Variants in MMRN2 observed in about 807,000 individuals in gnomAD.
MMRN2 encodes the protein multimerin 2.
In MMRN2, 53 loss-of-function variants were observed where a neutral mutation model predicts 68.8. That is an observed-to-expected ratio of 0.77 (90% CI 0.62 to 0.97). The LOEUF (loss-of-function observed/expected upper bound fraction) is 0.97. Ranked by LOEUF, MMRN2 falls within the 50% of genes least tolerant of loss-of-function variation. MMRN2 has a pLI of 0.00. For synonymous variants in MMRN2, 564 were observed against 551.6 expected, an observed-to-expected ratio of 1.02 and a Z score of -0.32; for missense variants, 1,266 against 1,259.5, an observed-to-expected ratio of 1.01 and a Z score of -0.08.
At position 86,936,868 on chromosome 10, in the gene MMRN2, T is replaced by TTGC. The variant is rs534261775; in HGVS notation, c.2722_2724dup (p.Ala908dup). 320 of 1,614,234 alleles carry TTGC rather than the reference T, an allele frequency of 2.0e-4. 2 individuals carry two copies. The South Asian group carries it at 3.4e-3, about 17-fold the overall frequency. The stretch of plus-strand genomic sequence containing the variant: ...TGCAGCTCAGCCATGGCAAAGACCG[T>TTGC]TGCTGTGCTTCCACTCCCCTGCCCA... On this transcript the variant is annotated inframe_insertion, in exon 7 of 7. Coordinates refer to ENST00000372027, the MANE Select transcript of MMRN2 (RefSeq NM_024756.3).
intron 1 of MMRN2, among the ~76,000 whole-genome samples, chr10:86,947,393 A>G (rs1244253453): frequency 6.6e-6 from 1 of 151,036 alleles, no homozygotes; most frequent in Non-Finnish European, 1.5e-5. Flanking sequence ...TTTGAGACGG[A>G]GTCTCGCACT....
At position 86,942,971 on chromosome 10, in the gene MMRN2, G is replaced by T. The variant is rs375797182; in HGVS notation, c.1813C>A (p.Arg605=). ...AFAALLEDAL[R]HEAVLAALFG... ...AGCGCGGCCAGCACCGCCTCGTGCC[G>T]CAGCGCGTCCTCCAGCAGGGCGGCG... The change falls in exon 6 of 7, where the codon CGG becomes AGG. Residue 605 remains arginine, a synonymous_variant. Coordinates refer to ENST00000372027, the MANE Select transcript of MMRN2 (RefSeq NM_024756.3). The T allele has an allele frequency of 1.4e-5, 21 of 1,489,380 alleles. No homozygotes were observed. The highest frequency in any genetic ancestry group is 1.6e-5 in the Non-Finnish European group (18 of 1,120,818). 92.3% of individuals were successfully genotyped at this position (1,489,380 alleles called of 1,614,324 possible).
In MMRN2 at chr10:86,943,730, T is replaced by G. The variant is rs747075259; in HGVS notation, c.1054A>C (p.Ser352Arg). 1 of 1,608,840 alleles carries G rather than the reference T, an allele frequency of 6.2e-7. No homozygotes were observed. Among genetic ancestry groups the G allele is most frequent in the Non-Finnish European group, 8.5e-7 (1 of 1,179,986 alleles). Residue 352 changes from serine to arginine, a missense_variant, in exon 6 of 7, where the codon AGT becomes CGT. Transcript: ENST00000372027. This position sits in a 1 kb window ranked among gnomAD's most constrained non-coding sequence, Gnocchi z 4.2. ...KAQEAPGTNG[S>R]LVLATPGAGA... ...GCCCCAGGCGTTGCCAACACCAGACTGCCATTGGTCCCTGGGGCCTCCTGA... is the reference window on the plus strand; with the variant it reads ...GCCCCAGGCGTTGCCAACACCAGACGGCCATTGGTCCCTGGGGCCTCCTGA...
At chr10:86,954,590 A>G (rs781559476) in intron 1 of MMRN2, among the ~76,000 whole-genome samples, 12 of 152,168 alleles carry the variant, frequency 7.9e-5, no homozygotes, top group Non-Finnish European at 1.6e-4. Flanking sequence ...CTTGGGAAGG[A>G]AGGCGTGTTC....
intron 6 of MMRN2, among the ~76,000 whole-genome samples, chr10:86,941,656 G>C (rs1395552218): frequency 1.3e-5 from 2 of 151,878 alleles, no homozygotes; most frequent in African/African-American, 4.8e-5. Flanking sequence ...AAATTAGCTA[G>C]GCATGGTGAC....
chr10:86,952,392 C>A (rs1426332858), intron 1 of MMRN2, among the ~76,000 whole-genome samples: 2 of 152,188 alleles, frequency 1.3e-5, no homozygotes, highest in Non-Finnish European at 2.9e-5. Flanking sequence ...GGAACATGGG[C>A]TCAGTATTGG....
In MMRN2 at chr10:86,943,494, C is replaced by T. The variant is rs756581722; in HGVS notation, c.1290G>A (p.Glu430=). Reference sequence around the variant, plus strand: ...TCACCTGCAGCTCCTCCACCTGCCGCTCCACCTTGCTAATCTGATCGAAAG... The same window carrying T: ...TCACCTGCAGCTCCTCCACCTGCCGTTCCACCTTGCTAATCTGATCGAAAG... ...DETFDQISKV[E]RQVEELQVNH... is the part of the protein sequence containing the mutation. The change falls in exon 6 of 7, where the codon GAG becomes GAA. Residue 430 remains glutamate, a synonymous_variant. Coordinates refer to ENST00000372027, the MANE Select transcript of MMRN2 (RefSeq NM_024756.3). This position sits in a 1 kb window ranked among gnomAD's most constrained non-coding sequence, Gnocchi z 4.2. 9.9e-6 allele frequency: 16 copies of T among 1,614,094 alleles called. 1 individual carries two copies. Among genetic ancestry groups the T allele is most frequent in the Non-Finnish European group, 1.3e-5 (15 of 1,180,036 alleles).
rs1009982979 is a variant in MMRN2, at chr10:86,951,732, G to T, written c.164+5646C>A. ...AAAAAAATCATTTTCATCAGGAAGA[G>T]AAAATGCAGATGAATAATCAAGAAC... On this transcript the variant is annotated intron_variant, in intron 1 of 6. Transcript: ENST00000372027. 2.0e-5 allele frequency among the ~76,000 whole-genome samples: 3 copies of T among 152,096 alleles called. No homozygotes were observed. In the East Asian group the frequency reaches 5.8e-4, roughly 29 times the overall value.
chr10:86,942,634 G>A lies in MMRN2; in HGVS notation c.2150C>T (p.Ala717Val). 6.2e-7 allele frequency: 1 copy of A among 1,600,558 alleles called. No individual in the cohort carries two copies. Among genetic ancestry groups the A allele is most frequent in the Non-Finnish European group, 8.5e-7 (1 of 1,179,218 alleles). The change falls in exon 6 of 7, where the codon GCC becomes GTC. Residue 717 changes from alanine to valine, a missense_variant. By Grantham distance (64) the Ala-to-Val change is moderately conservative. Transcript: ENST00000372027. Reference protein sequence around the residue: ...DVKNVGRCCEAEAGAGAASLN... With the variant: ...DVKNVGRCCEVEAGAGAASLN... ...GGAGGCGGCCCCGGCCCCGGCCTCGGCCTCGCAGCACCGCCCGACATTCTT... is the reference window on the plus strand; with the variant it reads ...GGAGGCGGCCCCGGCCCCGGCCTCGACCTCGCAGCACCGCCCGACATTCTT...
chr10:86,956,589 C>T (rs999813578), intron 1 of MMRN2, among the ~76,000 whole-genome samples: 2 of 152,254 alleles, frequency 1.3e-5, no homozygotes, highest in African/African-American at 4.8e-5. Flanking sequence ...AACTCAGATC[C>T]TGCTCCTTAG....
chr10:86,936,248 GT>G lies in MMRN2; in HGVS notation c.*494del. On this transcript the variant is annotated 3_prime_UTR_variant, in exon 7 of 7. Coordinates refer to ENST00000372027, the MANE Select transcript of MMRN2 (RefSeq NM_024756.3). ...TGACTAATAGAGACCAAGCAGGTTG[GT>G]TTAATCCCATTGCCCTCTAGTGCTT... is the stretch of plus-strand genomic sequence containing the variant. 1 of 410,860 alleles carries G rather than the reference GT, an allele frequency of 2.4e-6. No homozygotes were observed. The highest frequency in any genetic ancestry group is 4.3e-6 in the Non-Finnish European group (1 of 233,202). The allele number at this position is 410,860 out of a possible 1,614,324, so 25.5% of individuals were successfully genotyped here. A position where few individuals can be genotyped will look rare whatever the true frequency, so the allele number is the denominator to read the frequency against.
chr10:86,942,409 C>T lies in MMRN2; in HGVS notation c.2375G>A (p.Arg792Gln), dbSNP rs771425042. 4.3e-6 allele frequency: 7 copies of T among 1,614,098 alleles called. No homozygotes were observed. The highest frequency in any genetic ancestry group is 1.3e-5 in the African/African-American group (1 of 74,958). The change falls in exon 6 of 7, where the codon CGG becomes CAG. Residue 792 changes from arginine to glutamine, a missense_variant. Physicochemically the swap from Arg to Gln is conservative, Grantham distance 43. Transcript: ENST00000372027. ...KKQQKDLEAP[R>Q]KRDKKEAEPL... The stretch of plus-strand genomic sequence containing the variant: ...CTCCGCTTCCTTCTTGTCCCTCTTC[C>T]GGGGAGCTTCCAGGTCTTTCTGCTG...
chr10:86,943,102 G>T lies in MMRN2; in HGVS notation c.1682C>A (p.Thr561Lys). Residue 561 changes from threonine to lysine, a missense_variant, in exon 6 of 7, where the codon ACG (threonine) becomes AAG (lysine). Coordinates refer to ENST00000372027, the MANE Select transcript of MMRN2 (RefSeq NM_024756.3). The surrounding 1 kb of genome is among the most constrained non-coding windows in gnomAD (Gnocchi z 4.2). The stretch of plus-strand genomic sequence containing the variant: ...CTGCACTTGGCTCCGGAGCCGCGAC[G>T]TGGCCGCCCGCGCCCGCTCGCCCTC... Reference protein sequence around the residue: ...KAEGERARAATSRLRSQVQAL... With the variant: ...KAEGERARAAKSRLRSQVQAL... 6.8e-7 allele frequency: 1 copy of T among 1,466,018 alleles called. No homozygotes were observed. Among genetic ancestry groups the T allele is most frequent in the Non-Finnish European group, 8.9e-7 (1 of 1,118,378 alleles). The allele number at this position is 1,466,018 out of a possible 1,614,324, so 90.8% of individuals were successfully genotyped here.
Position 86,943,303 on chromosome 10 carries a change from C to A in MMRN2, c.1481G>T (p.Cys494Phe). 6.2e-7 allele frequency: 1 copy of A among 1,613,824 alleles called. No homozygotes were observed. Among genetic ancestry groups the A allele is most frequent in the Non-Finnish European group, 8.5e-7 (1 of 1,180,024 alleles). ...DLIKYVKDCN[C>F]QKLYLDLDVI... ...GTCCAGGTCTAAATAGAGCTTCTGG[C>A]AATTGCAGTCCTTCACGTACTTGAT... Residue 494 changes from cysteine (C) to phenylalanine (F), a missense_variant, in exon 6 of 7, where the codon TGC becomes TTC. Transcript: ENST00000372027. This position sits in a 1 kb window ranked among gnomAD's most constrained non-coding sequence, Gnocchi z 4.2.
At chr10:86,941,763 G>A (rs1166848019) in intron 6 of MMRN2, among the ~76,000 whole-genome samples, 1 of 137,044 alleles carries the variant, frequency 7.3e-6, no homozygotes, top group African/African-American at 2.7e-5. Flanking sequence ...TCCCACCACT[G>A]TACTCAAGCC....
At position 86,942,763 on chromosome 10, in the gene MMRN2, G is replaced by A. The variant is rs755586096; in HGVS notation, c.2021C>T (p.Pro674Leu). 1.2e-5 allele frequency: 16 copies of A among 1,373,072 alleles called. No homozygotes were observed. Among genetic ancestry groups the A allele is most frequent in the Middle Eastern group, 2.3e-4 (1 of 4,340 alleles). The allele number at this position is 1,373,072 out of a possible 1,614,324, so 85.1% of individuals were successfully genotyped here. Residue 674 changes from proline (P) to leucine (L), a missense_variant, in exon 6 of 7, where the codon CCG (proline) becomes CTG (leucine). Physicochemically the swap from Pro to Leu is moderately conservative, Grantham distance 98. Transcript: ENST00000372027. ...ALEQASEPPRPAEHLEPSHDA... is the reference protein window; with the variant it reads ...ALEQASEPPRLAEHLEPSHDA... Reference sequence around the variant, plus strand: ...GTGGCTGGGCTCCAGGTGCTCTGCCGGCCGCGGGGGCTCCGAGGCCTGCTC... The same window carrying A: ...GTGGCTGGGCTCCAGGTGCTCTGCCAGCCGCGGGGGCTCCGAGGCCTGCTC...
chr10:86,944,444 A>G lies in MMRN2; in HGVS notation c.482-9T>C, dbSNP rs147545744. ...CACTGCAGCAAGGTGGCCTAAATACACAGCAGACATAAATGTCAAGGGCTA... is the reference window on the plus strand; with the variant it reads ...CACTGCAGCAAGGTGGCCTAAATACGCAGCAGACATAAATGTCAAGGGCTA... On this transcript the variant is annotated splice_polypyrimidine_tract_variant and intron_variant, in intron 4 of 6. Coordinates refer to ENST00000372027, the MANE Select transcript of MMRN2 (RefSeq NM_024756.3). 4 of 1,613,022 alleles carry G rather than the reference A, an allele frequency of 2.5e-6. No individual in the cohort carries two copies. The highest frequency in any genetic ancestry group is 1.7e-5 in the Admixed American group (1 of 59,920).
rs751642356 is a variant in MMRN2 at position 86,942,360 on chromosome 10, T to C, written c.2424A>G (p.Thr808=). The change falls in exon 6 of 7, where the codon ACA becomes ACG. Residue 808 remains threonine (T), a synonymous_variant. Transcript: ENST00000372027. ...CGCCCAAGGCACCTGGCACAGGCCC[T>C]GTGACCCGTATGTCCACCAAAGGCT... ...EAEPLVDIRV[T]GPVPGALGAA... 1 of 1,613,980 alleles carries C rather than the reference T, an allele frequency of 6.2e-7. No homozygotes were observed. The highest frequency in any genetic ancestry group is 8.5e-7 in the Non-Finnish European group (1 of 1,179,918).
Position 86,937,061 on chromosome 10 carries a change from G to A in MMRN2, c.2532C>T (p.Phe844=), listed in dbSNP as rs995745910. ...EGTAALQTVK[F]NTTYINIGSS... ...TGCCAATGTTGATGTATGTGGTGTT[G>A]AACTTCACTGTCTGCAGGGCAGCCG... Residue 844 remains phenylalanine (F), a synonymous_variant, in exon 7 of 7, where the codon TTC becomes TTT. Coordinates refer to ENST00000372027, the MANE Select transcript of MMRN2 (RefSeq NM_024756.3). 1 of 1,614,086 alleles carries A rather than the reference G, an allele frequency of 6.2e-7. No homozygotes were observed. The highest frequency in any genetic ancestry group is 1.3e-5 in the African/African-American group (1 of 74,936).
Sources: allele counts gnomAD v4.1 joint callset (sites outside exome capture counted in the v4.1 genomes callset), GRCh38; gene constraint gnomAD v4.1.1; non-coding constraint Gnocchi (gnomAD v3.1); transcripts MANE v1.5; gene names NCBI Gene and HGNC (gene_info 2026-07-23, HGNC 2026-07-21).